The following KIDINS220 variants were observed in gnomAD, a reference collection of about 807,000 sequenced individuals.
KIDINS220 encodes the protein kinase D-interacting substrate of 220 kDa.
KIDINS220 carries 63 observed loss-of-function variants against 157.6 expected under a neutral mutation model. The ratio of observed to expected loss-of-function variants is 0.40; its 90% CI spans 0.33 to 0.49. The LOEUF is 0.49. Among genes scored for constraint, KIDINS220 ranks in the 20% least tolerant of loss-of-function variants. KIDINS220 has a pLI of 0.66. For missense variants in KIDINS220, 1,772 were observed against 2,171.2 expected (o/e 0.82, Z 3.65); for synonymous variants, 732 against 783.6 (o/e 0.93, Z 1.10).
At chr2:8,726,976 T>C (rs1234469180), downstream of KIDINS220, 1 of 1,250,052 alleles carries the variant, frequency 8.0e-7, no homozygotes, top group Non-Finnish European at 1.0e-6. Context: ...TTATGTAAGA[T>C]TGTAAATTCT....
At chr2:8,725,844 T>C (rs899505225), downstream of KIDINS220, among the ~76,000 whole-genome samples, 5 of 152,216 alleles carry the variant, frequency 3.3e-5, no homozygotes, top group African/African-American at 1.2e-4. Context: ...CAGTTTGATA[T>C]GTTATTCCAT....
chr2:8,806,122 T>A, intron 7 of KIDINS220, 149 bp downstream of exon 7: 1 of 630,614 alleles, frequency 1.6e-6, no homozygotes, highest in Non-Finnish European at 2.8e-6. Flanking sequence ...TATAACATTC[T>A]TAGAGTAACA....
chr2:8,753,071 C>T (rs557934974), intron 22 of KIDINS220, among the ~76,000 whole-genome samples: 4 of 152,002 alleles, frequency 2.6e-5, no homozygotes, highest in Admixed American at 2.6e-4. Flanking sequence ...AGGCAGTAAG[C>T]AAGAACGCAT....
intron 14 of KIDINS220, 69 bp downstream of exon 14, chr2:8,789,811 T>C (rs1672942004): frequency 1.7e-6 from 2 of 1,157,924 alleles, no homozygotes; most frequent in Non-Finnish European, 2.5e-6. Flanking sequence ...ATAAAGAAAA[T>C]GTTTTTTCTT....
chr2:8,800,777 C>A (rs1674578227), intron 8 of KIDINS220, among the ~76,000 whole-genome samples: 1 of 152,134 alleles, frequency 6.6e-6, no homozygotes, highest in Admixed American at 6.6e-5. Flanking sequence ...AATCTATTCT[C>A]TTTGAAGGTA....
chr2:8,825,000 G>A lies in KIDINS220; in HGVS notation c.108+1986C>T, dbSNP rs898167276. Among the ~76,000 whole-genome samples the A allele has an allele frequency of 5.3e-5, 8 of 152,012 alleles. No individual in the cohort carries two copies. The South Asian group carries it at 8.3e-4, about 16-fold the overall frequency. ...TATTCATACAAATAGAAAGTAAAAC[G>A]GTCACTGCCAGGGTTTAGGGAGAGG... On this transcript the variant is annotated intron_variant, in intron 2 of 29. Coordinates refer to ENST00000256707, the MANE Select transcript of KIDINS220 (RefSeq NM_020738.4).
chr2:8,798,468 A>G (rs745391093), intron 9 of KIDINS220, among the ~76,000 whole-genome samples, 168 bp from the exon 10 acceptor site: 11 of 152,232 alleles, frequency 7.2e-5, no homozygotes, highest in Non-Finnish European at 2.9e-5. Flanking sequence ...ATTCTTTGTG[A>G]AAGAAGCCTA....
intron 7 of KIDINS220, among the ~76,000 whole-genome samples, chr2:8,804,481 T>A (rs1222709807): frequency 1.3e-5 from 2 of 152,168 alleles, no homozygotes; most frequent in African/African-American, 4.8e-5. Context: ...GGCTGGGGAA[T>A]GAGGAATTAA....
downstream of KIDINS220, chr2:8,727,347 C>T: frequency 1.2e-6 from 1 of 805,636 alleles, no homozygotes; most frequent in Non-Finnish European, 1.5e-6. Context: ...ATGGCACCTT[C>T]CCTTTTACCC....
rs1246112124 is a variant in KIDINS220, at chr2:8,729,386, A to G, written c.*1334T>C. On this transcript the variant is annotated 3_prime_UTR_variant, in exon 30 of 30. Transcript: ENST00000256707. ...ATAATAGCGCATCTGCGATCTCACC[A>G]TCTACCGTCCTAACTGTGACTTGGG... 1 of 985,354 alleles carries G rather than the reference A, an allele frequency of 1.0e-6. No homozygotes were observed. Among genetic ancestry groups the G allele is most frequent in the East Asian group, 1.1e-4 (1 of 8,832 alleles). 61.0% of individuals were successfully genotyped at this position (985,354 alleles called of 1,614,324 possible). A position where few individuals can be genotyped will look rare whatever the true frequency, so the allele number is the denominator to read the frequency against.
chr2:8,728,765 A>G, downstream of KIDINS220: 1 of 718,270 alleles, frequency 1.4e-6, no homozygotes, highest in Non-Finnish European at 1.7e-6. Flanking sequence ...TCTTAAAAAG[A>G]CTAGTTGGGA....
At chr2:8,820,116 C>G (rs988528920) in intron 2 of KIDINS220, among the ~76,000 whole-genome samples, 1 of 152,170 alleles carries the variant, frequency 6.6e-6, no homozygotes, top group Non-Finnish European at 1.5e-5. Context: ...GACACAAACC[C>G]TGAGTGACGC....
chr2:8,737,112 A>T, intron 26 of KIDINS220, 113 bp from the exon 27 acceptor site: 1 of 1,039,058 alleles, frequency 9.6e-7, no homozygotes, highest in South Asian at 1.7e-5. Context: ...AAGTAAAAAA[A>T]AACAAATATG....
At chr2:8,767,367 T>C (rs1432011032) in intron 22 of KIDINS220, among the ~76,000 whole-genome samples, 1 of 152,030 alleles carries the variant, frequency 6.6e-6, no homozygotes, top group Non-Finnish European at 1.5e-5. Context: ...AAGCTATATA[T>C]AAAAAACACC....
rs572134297 is a variant in KIDINS220, at chr2:8,796,756, G to A, written c.1098+15C>T. 32 of 1,588,938 alleles carry A rather than the reference G, an allele frequency of 2.0e-5. No individual in the cohort carries two copies. Among genetic ancestry groups the A allele is most frequent in the Non-Finnish European group, 2.5e-5 (29 of 1,157,032 alleles). The stretch of plus-strand genomic sequence containing the variant: ...CAGCTTTCCATACAGTGTTCTCTCC[G>A]CACAGATGTTTTACCTTATCTACAG... On this transcript the variant is annotated intron_variant, in intron 11 of 29. Coordinates refer to ENST00000256707, the MANE Select transcript of KIDINS220 (RefSeq NM_020738.4).
At chr2:8,722,535 C>T (rs1227751433), downstream of KIDINS220, 1 of 152,134 alleles carries the variant, frequency 6.6e-6, no homozygotes, top group Non-Finnish European at 1.5e-5. Context: ...CAGGGAGAAG[C>T]CCCCAAGAGT....
chr2:8,795,456 C>A (rs553964124), intron 11 of KIDINS220, among the ~76,000 whole-genome samples: 4 of 152,248 alleles, frequency 2.6e-5, no homozygotes, highest in Admixed American at 2.6e-4. Context: ...CAGTGACGGG[C>A]AAGGTAAAAA....
intron 6 of KIDINS220, among the ~76,000 whole-genome samples, chr2:8,807,646 C>T (rs537578572): frequency 1.3e-5 from 2 of 152,296 alleles, no homozygotes; most frequent in East Asian, 3.9e-4. Flanking sequence ...CAACCAACCA[C>T]ACTGTTGAGG....
In KIDINS220 at chr2:8,730,112, A is replaced by C. The variant is rs1235115894; in HGVS notation, c.*608T>G. ...AGGACAGCCCCGTCACACTACTGCCAGCCCTGGTGACTCACTTTGTTGGCA... is the reference window on the plus strand; with the variant it reads ...AGGACAGCCCCGTCACACTACTGCCCGCCCTGGTGACTCACTTTGTTGGCA... On this transcript the variant is annotated 3_prime_UTR_variant, in exon 30 of 30. Coordinates refer to ENST00000256707, the MANE Select transcript of KIDINS220 (RefSeq NM_020738.4). 2.0e-6 allele frequency: 2 copies of C among 985,802 alleles called. No homozygotes were observed. The highest frequency in any genetic ancestry group is 2.4e-6 in the Non-Finnish European group (2 of 830,320). 61.1% of individuals were successfully genotyped at this position (985,802 alleles called of 1,614,324 possible).
Sources: gnomAD v4.1 joint callset for allele counts (sites outside exome capture counted in the v4.1 genomes callset) on GRCh38, gnomAD v4.1.1 for gene constraint, MANE v1.5 for transcripts, NCBI Gene and HGNC (gene_info 2026-07-23, HGNC 2026-07-21) for gene names.